ASAH2: variants seen among roughly 807,000 people sequenced by gnomAD.
ASAH2 encodes N-acylsphingosine amidohydrolase 2.
In ASAH2, 58 loss-of-function variants were observed where a neutral mutation model predicts 82.9. The ratio of observed to expected loss-of-function variants is 0.70; its 90% CI spans 0.57 to 0.87. The LOEUF (loss-of-function observed/expected upper bound fraction) is 0.87, where lower values mean the gene tolerates loss of function less well. Among genes scored for constraint, ASAH2 ranks in the 40% least tolerant of loss-of-function variants. ASAH2 has a pLI of 0.00. For missense variants in ASAH2, 779 were observed against 834.0 expected (o/e 0.93, Z 0.81); for synonymous variants, 276 against 289.7 (o/e 0.95, Z 0.48).
chr10:50,248,259 C>T (rs1846524146), intron 2 of ASAH2, among the ~76,000 whole-genome samples: 2 of 152,188 alleles, frequency 1.3e-5, no homozygotes, highest in South Asian at 4.1e-4. Context: ...CAAACAAGTA[C>T]ATGTCAGAAT....
intron 12 of ASAH2, among the ~76,000 whole-genome samples, chr10:50,209,332 A>T (rs1845391423): frequency 6.6e-6 from 1 of 151,986 alleles, no homozygotes. Context: ...CAATAAAGTG[A>T]AAAAACCTAC....
intron 3 of ASAH2, among the ~76,000 whole-genome samples, chr10:50,244,377 A>G (rs1846388819): frequency 6.6e-6 from 1 of 152,202 alleles, no homozygotes; most frequent in Admixed American, 6.5e-5. Flanking sequence ...AACTACACCC[A>G]GGTCTTTAGA....
At position 50,245,121 on chromosome 10, in the gene ASAH2, A is replaced by T. The variant is rs565164457; in HGVS notation, c.360+101T>A. 4.1e-5 allele frequency: 43 copies of T among 1,041,960 alleles called. 1 individual carries two copies. In the South Asian group the frequency reaches 6.4e-4, roughly 15 times the overall value. The allele number at this position is 1,041,960 out of a possible 1,614,324, so 64.5% of individuals were successfully genotyped here. On this transcript the variant is annotated intron_variant, in intron 3 of 20. Coordinates refer to ENST00000682911, the MANE Select transcript of ASAH2 (RefSeq NM_019893.4). The stretch of plus-strand genomic sequence containing the variant: ...GCAAGGTCAATTAAAAAGCTAAAAG[A>T]AGATAATGATGATGTTGTAATAATC...
In ASAH2 at chr10:50,232,811, T is replaced by C. The variant is rs536222283; in HGVS notation, c.893+373A>G. On this transcript the variant is annotated intron_variant, in intron 7 of 20. Transcript: ENST00000682911. ...CTTTCCTGGTTGGTTAGATTGTTTT[T>C]TCATTTTACTAGGAGATAACTGTAT... Among the ~76,000 whole-genome samples the C allele has an allele frequency of 2.0e-5, 3 of 152,298 alleles. No individual in the cohort carries two copies. The East Asian group carries it at 5.8e-4, about 29-fold the overall frequency.
chr10:50,230,230 A>G (rs1845988387), intron 7 of ASAH2, among the ~76,000 whole-genome samples: 1 of 152,192 alleles, frequency 6.6e-6, no homozygotes. Flanking sequence ...TGAGAGTAAG[A>G]AGGAATGAAT....
rs1264348423 is a variant in ASAH2 at position 50,198,991 on chromosome 10, T to TACAC, written c.1857+56_1857+59dup. The TACAC allele has an allele frequency of 8.5e-4, 1,230 of 1,438,746 alleles. No individual in the cohort carries two copies. The African/African-American group carries it at 9.5e-3, about 11-fold the overall frequency. The allele number at this position is 1,438,746 out of a possible 1,614,324, so 89.1% of individuals were successfully genotyped here. A position where few individuals can be genotyped will look rare whatever the true frequency, so the allele number is the denominator to read the frequency against. On this transcript the variant is annotated intron_variant, in intron 17 of 20. Coordinates refer to ENST00000682911, the MANE Select transcript of ASAH2 (RefSeq NM_019893.4). ...ACCCAGACACAGACACATACAGACA[T>TACAC]ACACACACACACACACACACACGCA...
chr10:50,211,060 A>G lies in ASAH2; in HGVS notation c.1302T>C (p.Asp434=). 1 of 1,613,638 alleles carries G rather than the reference A, an allele frequency of 6.2e-7. No homozygotes were observed. The highest frequency in any genetic ancestry group is 2.2e-5 in the East Asian group (1 of 44,870). Residue 434 remains aspartate, a synonymous_variant, in exon 11 of 21, where the codon GAT becomes GAC. Transcript: ENST00000682911. ...GTGTGGAATTGAGCCAGACAGTCAC[A>G]TCTGTCATATCCACCCACTGGTGTG... The part of the protein sequence containing the change: ...ASAHQWVDMT[D]VTVWLNSTHA...
chr10:50,185,883 T>C lies in ASAH2; in HGVS notation c.*1432A>G, dbSNP rs1234631602. 6.9e-6 allele frequency: 1 copy of C among 145,360 alleles called. No individual in the cohort carries two copies. The highest frequency in any genetic ancestry group is 1.5e-5 in the Non-Finnish European group (1 of 66,744). The allele number at this position is 145,360 out of a possible 1,614,324, so 9.0% of individuals were successfully genotyped here. Reference sequence around the variant, plus strand: ...TTTTTAAAATACAGATTGATTTTTTTCCCTAAAATGCTAAAGCTTTTACAT... The same window carrying C: ...TTTTTAAAATACAGATTGATTTTTTCCCCTAAAATGCTAAAGCTTTTACAT... On this transcript the variant is annotated 3_prime_UTR_variant, in exon 21 of 21. Transcript: ENST00000682911.
At position 50,196,930 on chromosome 10, in the gene ASAH2, G is replaced by A. The variant is rs1241759760; in HGVS notation, c.1858-11C>T. The A allele has an allele frequency of 3.1e-6, 5 of 1,611,672 alleles. 1 individual carries two copies. In the South Asian group the frequency reaches 3.3e-5, roughly 11 times the overall value. ...GTTGGCTACCGTGTCCTGGAACAGA[G>A]AGCATTTGTTAAGGAGTGCACAGGT... On this transcript the variant is annotated splice_polypyrimidine_tract_variant and intron_variant, in intron 17 of 20. Coordinates refer to ENST00000682911, the MANE Select transcript of ASAH2 (RefSeq NM_019893.4).
chr10:50,241,178 T>G (rs1176594101), intron 4 of ASAH2, among the ~76,000 whole-genome samples: 1 of 152,174 alleles, frequency 6.6e-6, no homozygotes, highest in East Asian at 1.9e-4. Flanking sequence ...ACTCAACCTT[T>G]GCCATCACCT....
intron 7 of ASAH2, among the ~76,000 whole-genome samples, chr10:50,220,160 A>C (rs1845704078): frequency 6.6e-6 from 1 of 152,242 alleles, no homozygotes; most frequent in Admixed American, 6.5e-5. Flanking sequence ...TGATATAATC[A>C]GGGAAGACCG....
At chr10:50,234,341 C>A (rs1846092222) in intron 6 of ASAH2, 84 bp downstream of exon 6, 3 of 1,581,142 alleles carry the variant, frequency 1.9e-6, no homozygotes, top group Non-Finnish European at 2.6e-6. Flanking sequence ...TCACCATATT[C>A]ATCAAGTAAC....
intron 12 of ASAH2, 56 bp downstream of exon 12, chr10:50,210,767 C>T: frequency 7.4e-7 from 1 of 1,357,366 alleles, no homozygotes; most frequent in Non-Finnish European, 1.1e-6. Context: ...GATCAGAGAA[C>T]AGAACCCAGA....
Position 50,185,763 on chromosome 10 carries a change from C to T in ASAH2, c.*1552G>A, listed in dbSNP as rs1388126618. On this transcript the variant is annotated 3_prime_UTR_variant, in exon 21 of 21. Coordinates refer to ENST00000682911, the MANE Select transcript of ASAH2 (RefSeq NM_019893.4). ...CATCAAAAAGTGTTCCAGGTTCATT[C>T]TAATTCAATAAATTATGTTGAGATT... 1 of 143,298 alleles carries T rather than the reference C, an allele frequency of 7.0e-6. No homozygotes were observed. Among genetic ancestry groups the T allele is most frequent in the Non-Finnish European group, 1.5e-5 (1 of 66,280 alleles). 8.9% of individuals were successfully genotyped at this position (143,298 alleles called of 1,614,324 possible).
chr10:50,202,847 G>C lies in ASAH2; in HGVS notation c.1743C>G (p.Thr581=). The C allele has an allele frequency of 6.2e-7, 1 of 1,608,608 alleles. No individual in the cohort carries two copies. Among genetic ancestry groups the C allele is most frequent in the Non-Finnish European group, 8.5e-7 (1 of 1,175,492 alleles). ...GLCNVYTHYI[T]TYEEYQAQRY... ...GCTTTACCTGGTATTCTTCATAAGT[G>C]GTAATGTAATGTGTATAGACGTTGC... Residue 581 remains threonine (T), a synonymous_variant, in exon 16 of 21, where the codon ACC becomes ACG. Coordinates refer to ENST00000682911, the MANE Select transcript of ASAH2 (RefSeq NM_019893.4).
At chr10:50,227,203 C>T (rs1032477289) in intron 7 of ASAH2, among the ~76,000 whole-genome samples, 9 of 152,044 alleles carry the variant, frequency 5.9e-5, no homozygotes, top group South Asian at 2.1e-4. Context: ...GAATAAAGAA[C>T]GGTTCAAAGA....
chr10:50,211,179 T>C, intron 10 of ASAH2, 45 bp from the exon 11 acceptor site: 1 of 1,369,862 alleles, frequency 7.3e-7, no homozygotes, highest in Non-Finnish European at 1.0e-6. Flanking sequence ...AAGGCTAAAG[T>C]GATCATCTCC....
At chr10:50,235,204 A>G (rs1488165366) in intron 5 of ASAH2, among the ~76,000 whole-genome samples, 1 of 152,160 alleles carries the variant, frequency 6.6e-6, no homozygotes, top group Non-Finnish European at 1.5e-5. Context: ...TTTGCAAAAC[A>G]TCAATGTAAA....
chr10:50,206,147 A>T, intron 12 of ASAH2, 50 bp from the exon 13 acceptor site: 1 of 1,261,632 alleles, frequency 7.9e-7, no homozygotes, highest in Non-Finnish European at 1.2e-6. Context: ...ACCCTCTCAA[A>T]AAAGTCATTA....
Sources: allele counts gnomAD v4.1 joint callset (sites outside exome capture counted in the v4.1 genomes callset), GRCh38; gene constraint gnomAD v4.1.1; transcripts MANE v1.5; gene names NCBI Gene and HGNC (gene_info 2026-07-23, HGNC 2026-07-21).